The following EXOSC1 variants were observed in gnomAD, a reference collection of about 807,000 sequenced individuals.
The protein encoded by EXOSC1 is exosome complex component CSL4.
A neutral mutation model predicts 31.4 loss-of-function variants in EXOSC1; 27 were observed. The observed-to-expected ratio is 0.86, with a 90% confidence interval of 0.63 to 1.18. The LOEUF is 1.18. Ranked by LOEUF, EXOSC1 falls within the 50% of genes most tolerant of loss-of-function variation. The pLI is 0.00. For missense variants in EXOSC1, 228 were observed against 250.3 expected, an observed-to-expected ratio of 0.91 and a Z score of 0.60; for synonymous variants, 84 against 89.5, an observed-to-expected ratio of 0.94 and a Z score of 0.35.
Position 97,437,754 on chromosome 10 carries a change from T to C in EXOSC1, c.346-4A>G, listed in dbSNP as rs372971334. 9.6e-5 allele frequency: 154 copies of C among 1,612,416 alleles called. 1 individual carries two copies. The highest frequency in any genetic ancestry group is 1.6e-4 in the Middle Eastern group (1 of 6,076). On this transcript the variant is annotated splice_polypyrimidine_tract_variant and splice_region_variant and intron_variant, in intron 5 of 7. Coordinates refer to ENST00000370902, the MANE Select transcript of EXOSC1 (RefSeq NM_016046.5). ...GGAAACTCTTATAAATTTCAACCTG[T>C]AAAGAAAGAACAGGAATGTTAAGTG...
At chr10:97,445,705 G>A in intron 2 of EXOSC1, 27 bp downstream of exon 2, 1 of 1,607,632 alleles carries the variant, frequency 6.2e-7, no homozygotes, top group South Asian at 1.1e-5. Flanking sequence ...GAAAAACAGA[G>A]GGGAGATGGC....
At chr10:97,438,299 C>T (rs1845610059) in intron 5 of EXOSC1, among the ~76,000 whole-genome samples, 1 of 151,864 alleles carries the variant, frequency 6.6e-6, no homozygotes, top group Non-Finnish European at 1.5e-5. Context: ...CTCACTGCAG[C>T]CTTGGACTGC....
intron 5 of EXOSC1, 96 bp downstream of exon 5, chr10:97,438,574 G>T: frequency 1.7e-6 from 2 of 1,155,100 alleles, no homozygotes; most frequent in Non-Finnish European, 2.5e-6. Context: ...CAAAGTACTG[G>T]GATTACGGGT....
In EXOSC1 at chr10:97,436,496, A is replaced by C; in HGVS notation, c.537T>G (p.Thr179=). 6.2e-7 allele frequency: 1 copy of C among 1,613,552 alleles called. No individual in the cohort carries two copies. The highest frequency in any genetic ancestry group is 1.1e-5 in the South Asian group (1 of 90,984). The change falls in exon 8 of 8, where the codon ACT becomes ACG. Residue 179 remains threonine (T), a synonymous_variant. Transcript: ENST00000370902. The stretch of plus-strand genomic sequence containing the variant: ...CTCGGGCTACTTTCCGGAATTCTTT[A>C]GTGTGGGTCTTAGGGCACTGCATCT... The part of the protein sequence containing the change: ...WCEMQCPKTH[T]KEFRKVARVQ...
chr10:97,442,394 A>G (rs1382131019), intron 3 of EXOSC1, among the ~76,000 whole-genome samples: 1 of 152,212 alleles, frequency 6.6e-6, no homozygotes, highest in Non-Finnish European at 1.5e-5. Context: ...GAAATCTGTA[A>G]GCCTGCACAG....
At chr10:97,443,409 G>A in intron 2 of EXOSC1, 98 bp from the exon 3 acceptor site, 2 of 1,051,072 alleles carry the variant, frequency 1.9e-6, no homozygotes, top group East Asian at 2.4e-5. Context: ...TGGTATAAAG[G>A]TGAGAGTTGG....
At chr10:97,440,383 CT>C (rs1460964634) in intron 4 of EXOSC1, among the ~76,000 whole-genome samples, 1 of 151,982 alleles carries the variant, frequency 6.6e-6, no homozygotes, top group African/African-American at 2.4e-5. Context: ...GGGTCTCACT[CT>C]GTTGCCCAGG....
Position 97,437,247 on chromosome 10 carries a change from T to C in EXOSC1, c.425A>G (p.Tyr142Cys), listed in dbSNP as rs1441482307. 6.2e-7 allele frequency: 1 copy of C among 1,614,016 alleles called. No individual in the cohort carries two copies. The highest frequency in any genetic ancestry group is 1.3e-5 in the African/African-American group (1 of 74,906). ...VISLGDAQSN[Y>C]LLTTAENELG... is the part of the protein sequence containing the mutation. Reference sequence around the variant, plus strand: ...CTCGTTCTCGGCGGTGGTTAGCAGGTAGTTGGACTGTGCATCACCTAAGGA... The same window carrying C: ...CTCGTTCTCGGCGGTGGTTAGCAGGCAGTTGGACTGTGCATCACCTAAGGA... Residue 142 changes from tyrosine to cysteine, a missense_variant, in exon 7 of 8, where the codon TAC (tyrosine) becomes TGC (cysteine). Transcript: ENST00000370902.
intron 3 of EXOSC1, among the ~76,000 whole-genome samples, chr10:97,441,915 G>T (rs1564789116): frequency 6.8e-6 from 1 of 147,116 alleles, no homozygotes. Flanking sequence ...AGTGGCTCAT[G>T]CCTGTAATCC....
chr10:97,436,368 T>G lies in EXOSC1; in HGVS notation c.*77A>C. 1 of 1,121,534 alleles carries G rather than the reference T, an allele frequency of 8.9e-7. No homozygotes were observed. 69.5% of individuals were successfully genotyped at this position (1,121,534 alleles called of 1,614,324 possible). On this transcript the variant is annotated 3_prime_UTR_variant, in exon 8 of 8. Transcript: ENST00000370902. ...AGTGGCTGTTGGCCGACGCCAGGTG[T>G]TTGAATAAAGACAGCAGCATCTTGG...
chr10:97,437,020 A>C (rs780102739), intron 7 of EXOSC1, among the ~76,000 whole-genome samples, 171 bp downstream of exon 7: 2 of 152,166 alleles, frequency 1.3e-5, no homozygotes, highest in Non-Finnish European at 2.9e-5. Context: ...TGTCTCAAAC[A>C]ACCACCACCA....
At chr10:97,445,091 A>C (rs1322680518) in intron 2 of EXOSC1, 1 of 152,178 alleles carries the variant, frequency 6.6e-6, no homozygotes, top group Non-Finnish European at 1.5e-5. Context: ...TTAACAAAAC[A>C]AACAAAAACA....
chr10:97,439,256 C>G (rs1246730326), intron 4 of EXOSC1, among the ~76,000 whole-genome samples: 1 of 152,164 alleles, frequency 6.6e-6, no homozygotes, highest in East Asian at 1.9e-4. Context: ...TTCGTTGCCT[C>G]AGGGCTTGAA....
rs1845541251 is a variant in EXOSC1 at position 97,436,498 on chromosome 10, T to C, written c.535A>G (p.Thr179Ala). The change falls in exon 8 of 8, where the codon ACT (threonine) becomes GCT (alanine). Residue 179 changes from threonine (T) to alanine (A), a missense_variant. By Grantham distance (58) the Thr-to-Ala change is moderately conservative. Coordinates refer to ENST00000370902, the MANE Select transcript of EXOSC1 (RefSeq NM_016046.5). ...WCEMQCPKTH[T>A]KEFRKVARVQ... is the part of the protein sequence containing the mutation. ...CGGGCTACTTTCCGGAATTCTTTAG[T>C]GTGGGTCTTAGGGCACTGCATCTCA... 3.1e-6 allele frequency: 5 copies of C among 1,613,554 alleles called. No homozygotes were observed. In the East Asian group the frequency reaches 8.9e-5, roughly 29 times the overall value.
In EXOSC1 at chr10:97,436,387, A is replaced by G; in HGVS notation, c.*58T>C. 1 of 1,274,538 alleles carries G rather than the reference A, an allele frequency of 7.8e-7. No individual in the cohort carries two copies. The highest frequency in any genetic ancestry group is 1.1e-6 in the Non-Finnish European group (1 of 879,526). The allele number at this position is 1,274,538 out of a possible 1,614,324, so 79.0% of individuals were successfully genotyped here. A position where few individuals can be genotyped will look rare whatever the true frequency, so the allele number is the denominator to read the frequency against. On this transcript the variant is annotated 3_prime_UTR_variant, in exon 8 of 8. Transcript: ENST00000370902. ...CAGGTGTTTGAATAAAGACAGCAGC[A>G]TCTTGGTGTTATACTCAGGAACAGC...
In EXOSC1 at chr10:97,445,774, C is replaced by G; in HGVS notation, c.105G>C (p.Ser35=). 6.2e-7 allele frequency: 1 copy of G among 1,613,908 alleles called. No homozygotes were observed. The highest frequency in any genetic ancestry group is 1.7e-4 in the Middle Eastern group (1 of 6,060). ...TCTTCATCAGACAGCCGGCAAGCGA[C>G]GAAAAGATGTAGCCGTGGCGGGTGT... ...GTYTRHGYIF[S]SLAGCLMKSS... Residue 35 remains serine (S), a synonymous_variant, in exon 2 of 8, where the codon TCG becomes TCC. Transcript: ENST00000370902.
rs1589467682 is a variant in EXOSC1 at position 97,443,088 on chromosome 10, G to A, written c.222+149C>T. ...AATCCTCCTGCCTCGGCCTCTTAAA[G>A]TGCTAGAATTACCAGTGTGAGCCAC... On this transcript the variant is annotated intron_variant, in intron 3 of 7. Coordinates refer to ENST00000370902, the MANE Select transcript of EXOSC1 (RefSeq NM_016046.5). 4.4e-6 allele frequency: 3 copies of A among 679,586 alleles called. No homozygotes were observed. In the East Asian group the frequency reaches 7.8e-5, roughly 18 times the overall value. The allele number at this position is 679,586 out of a possible 1,614,324, so 42.1% of individuals were successfully genotyped here.
intron 6 of EXOSC1, 109 bp downstream of exon 6, chr10:97,437,591 A>G (rs1845581060): frequency 2.0e-6 from 2 of 1,002,870 alleles, no homozygotes; most frequent in Middle Eastern, 4.2e-4. Flanking sequence ...CAGGTGATCC[A>G]CCCGCCCTGG....
rs560775907 is a variant in EXOSC1 at position 97,443,146 on chromosome 10, G to A, written c.222+91C>T. 7.7e-6 allele frequency: 8 copies of A among 1,045,698 alleles called. No individual in the cohort carries two copies. The African/African-American group carries it at 1.3e-4, about 17-fold the overall frequency. 64.8% of individuals were successfully genotyped at this position (1,045,698 alleles called of 1,614,324 possible). A position where few individuals can be genotyped will look rare whatever the true frequency, so the allele number is the denominator to read the frequency against. ...TGCCAGAAATAAATTTATGTAGCTT[G>A]TGGCTATCATACTGGACACTGCAGT... On this transcript the variant is annotated intron_variant, in intron 3 of 7. Transcript: ENST00000370902.
Sources: gnomAD v4.1 joint callset for allele counts (sites outside exome capture counted in the v4.1 genomes callset) on GRCh38, gnomAD v4.1.1 for gene constraint, MANE v1.5 for transcripts, NCBI Gene and HGNC (gene_info 2026-07-23, HGNC 2026-07-21) for gene names.